Variants in NDE1 observed in about 807,000 individuals in gnomAD.
The protein encoded by NDE1 is nudE neurodevelopment protein 1, also known as nuclear distribution protein nudE homolog 1.
Under a neutral mutation model 43.4 loss-of-function variants are expected in NDE1, and 28 were observed. That is an observed-to-expected ratio of 0.65 (90% CI 0.48 to 0.89). NDE1 has a LOEUF of 0.89. Among genes scored for constraint, NDE1 ranks in the 40% least tolerant of loss-of-function variants. The pLI is 0.00. For missense variants in NDE1, 441 were observed against 434.1 expected, an observed-to-expected ratio of 1.02 and a Z score of -0.14; for synonymous variants, 184 against 172.0, an observed-to-expected ratio of 1.07 and a Z score of -0.55.
At chr16:15,659,133 GT>G (rs2036915555) in intron 1 of NDE1, among the ~76,000 whole-genome samples, 1 of 152,138 alleles carries the variant, frequency 6.6e-6, no homozygotes, top group Admixed American at 6.6e-5. Context: ...TTATCGGTAA[GT>G]TTTGTGCTTG....
rs766528693 is a variant in NDE1, at chr16:15,696,891, C to T, written c.947+31C>T. 2.1e-5 allele frequency: 34 copies of T among 1,607,504 alleles called. No homozygotes were observed. The East Asian group carries it at 4.7e-4, about 22-fold the overall frequency. On this transcript the variant is annotated intron_variant, in intron 8 of 8. Transcript: ENST00000396354. ...TACCTTCTAATAAACCTCTCGCTGGCGGGGAGAACCCGCCTGCCCCAGGCA... is the reference window on the plus strand; with the variant it reads ...TACCTTCTAATAAACCTCTCGCTGGTGGGGAGAACCCGCCTGCCCCAGGCA...
At chr16:15,677,986 T>C in intron 4 of NDE1, 37 bp downstream of exon 4, 2 of 1,612,550 alleles carry the variant, frequency 1.2e-6, no homozygotes, top group Non-Finnish European at 1.7e-6. Flanking sequence ...TGGGAGACTC[T>C]CCTCTCTGCT....
intron 8 of NDE1, among the ~76,000 whole-genome samples, chr16:15,698,488 G>GT (rs1199731337): frequency 6.6e-6 from 1 of 152,194 alleles, no homozygotes; most frequent in Non-Finnish European, 1.5e-5. Flanking sequence ...AATTTGATGG[G>GT]TTTGTAGCAG....
Position 15,696,703 on chromosome 16 carries a change from G to C in NDE1, c.796-6G>C, listed in dbSNP as rs200273099. On this transcript the variant is annotated splice_polypyrimidine_tract_variant and splice_region_variant and intron_variant, in intron 7 of 8. Coordinates refer to ENST00000396354, the MANE Select transcript of NDE1 (RefSeq NM_017668.3). ...ACTTGAGAGATAAAAGTGTATTTCT[G>C]TCCAGGCACTGGAGTCCAAACTCGC... 3.1e-5 allele frequency: 50 copies of C among 1,614,086 alleles called. No homozygotes were observed. The highest frequency in any genetic ancestry group is 4.0e-5 in the Non-Finnish European group (47 of 1,180,044).
intron 8 of NDE1, chr16:15,718,603 G>A (rs1567690439): frequency 1.9e-6 from 2 of 1,064,568 alleles, no homozygotes; most frequent in Non-Finnish European, 2.6e-6. Flanking sequence ...GCCAGGAAGT[G>A]GACAGCCGGG....
intron 8 of NDE1, chr16:15,714,468 C>A: frequency 4.3e-6 from 1 of 230,670 alleles, no homozygotes; most frequent in Non-Finnish European, 8.7e-6. Context: ...GCCCCCATAC[C>A]CGAGAATAAT....
At chr16:15,646,888 T>A (rs1596531994), upstream of NDE1, among the ~76,000 whole-genome samples, 1 of 151,640 alleles carries the variant, frequency 6.6e-6, no homozygotes, top group East Asian at 2.0e-4. Context: ...CTGCCTCTAC[T>A]AAAATAGAAA....
intron 1 of NDE1, among the ~76,000 whole-genome samples, chr16:15,650,560 C>T (rs933632545): frequency 1.3e-5 from 2 of 152,226 alleles, no homozygotes; most frequent in Admixed American, 6.5e-5. Context: ...CTCGCGCTGG[C>T]CCCTCGCCCT....
intron 4 of NDE1, among the ~76,000 whole-genome samples, chr16:15,680,174 T>C (rs1446906552): frequency 1.3e-5 from 2 of 152,204 alleles, no homozygotes; most frequent in Middle Eastern, 3.2e-3. Flanking sequence ...TCCCCTTTGA[T>C]GGGCAGTAGC....
intron 3 of NDE1, among the ~76,000 whole-genome samples, chr16:15,676,311 G>A (rs2037878598): frequency 7.0e-6 from 1 of 142,322 alleles, no homozygotes; most frequent in Non-Finnish European, 1.5e-5. Flanking sequence ...CCGTGTTCAA[G>A]CGATTCTCCC....
chr16:15,668,354 T>G (rs1201344672), intron 3 of NDE1, among the ~76,000 whole-genome samples: 1 of 152,184 alleles, frequency 6.6e-6, no homozygotes, highest in Non-Finnish European at 1.5e-5. Context: ...AGACTCCGTC[T>G]CAAAAAAAAC....
chr16:15,715,060 C>T lies in NDE1; in HGVS notation c.948-9131C>T, dbSNP rs138206921. On this transcript the variant is annotated intron_variant, in intron 8 of 8. Transcript: ENST00000396354. ...TCCAGCTGCCTCTTGAGCTGCTTGA[C>T]CCTGGCATTGCCTTTCTCTGCCTGT... is the stretch of plus-strand genomic sequence containing the variant. 235 of 1,613,332 alleles carry T rather than the reference C, an allele frequency of 1.5e-4. No homozygotes were observed. The highest frequency in any genetic ancestry group is 7.4e-5 in the Non-Finnish European group (87 of 1,180,020).
intron 1 of NDE1, among the ~76,000 whole-genome samples, chr16:15,645,046 A>G (rs1043171656): frequency 4.0e-5 from 6 of 150,840 alleles, no homozygotes; most frequent in African/African-American, 1.5e-4. Context: ...CAGCCTCCTG[A>G]GTAGCTAGGA....
At position 15,691,424 on chromosome 16, in the gene NDE1, AGAGCCTGATTTGCTCTCAGGCTTT is replaced by A; in HGVS notation, c.703+106_703+129del. The A allele has an allele frequency of 3.0e-6, 4 of 1,343,856 alleles. No homozygotes were observed. In the South Asian group the frequency reaches 5.0e-5, roughly 17 times the overall value. 83.2% of individuals were successfully genotyped at this position (1,343,856 alleles called of 1,614,324 possible). Reference sequence around the variant, plus strand: ...GGGTGTGATGATTTGCATCAGGCTCAGAGCCTGATTTGCTCTCAGGCTTTGAGCAGAGAGTAGACTGGGATGTTC... The same window carrying A: ...GGGTGTGATGATTTGCATCAGGCTCAGAGCAGAGAGTAGACTGGGATGTTC... On this transcript the variant is annotated intron_variant, in intron 6 of 8. Transcript: ENST00000396354.
intron 8 of NDE1, chr16:15,717,651 C>T (rs1332831008): frequency 6.4e-5 from 31 of 481,892 alleles, no homozygotes; most frequent in Admixed American, 2.8e-4. Flanking sequence ...AAAAATTAGC[C>T]GGGCAGTGGT....
chr16:15,705,984 C>CA lies in NDE1; in HGVS notation c.947+9145dup, dbSNP rs57451847. ...TAGGCGACAGGGTGAGACTCCGTCT[C>CA]AAAAAAAAAAAAAAAAAAAAATCAA... On this transcript the variant is annotated intron_variant, in intron 8 of 8. Transcript: ENST00000396354. Among the ~76,000 whole-genome samples the CA allele has an allele frequency of 4.9e-3, 280 of 56,710 alleles. 16 individuals carry two copies. In the East Asian group the frequency reaches 0.051, roughly 10 times the overall value. 37.2% of individuals were successfully genotyped at this position (56,710 alleles called of 152,430 possible). A position where few individuals can be genotyped will look rare whatever the true frequency, so the allele number is the denominator to read the frequency against.
rs191562149 is a variant in NDE1, at chr16:15,703,978, T to C, written c.947+7118T>C. On this transcript the variant is annotated intron_variant, in intron 8 of 8. Coordinates refer to ENST00000396354, the MANE Select transcript of NDE1 (RefSeq NM_017668.3). ...TGGTTTTCTTGCCGTGGTGCAAAAC[T>C]GTAGAAAGTTGCTTATTCACTGGCC... 1.8e-4 allele frequency: 288 copies of C among 1,614,068 alleles called. 1 individual carries two copies. In the Admixed American group the frequency reaches 4.6e-3, roughly 26 times the overall value.
chr16:15,691,018 G>A, intron 5 of NDE1, 126 bp from the exon 6 acceptor site: 2 of 1,076,226 alleles, frequency 1.9e-6, no homozygotes, highest in Non-Finnish European at 1.4e-6. Flanking sequence ...ATGTTGGTCA[G>A]GCTGGTCTCG....
chr16:15,677,617 T>A (rs899346719), intron 3 of NDE1, among the ~76,000 whole-genome samples, 184 bp from the exon 4 acceptor site: 2 of 150,256 alleles, frequency 1.3e-5, no homozygotes, highest in African/African-American at 4.9e-5. Context: ...GGAGTCTTGC[T>A]GTGTTGCCCA....
Sources: allele counts gnomAD v4.1 joint callset (sites outside exome capture counted in the v4.1 genomes callset), GRCh38; gene constraint gnomAD v4.1.1; transcripts MANE v1.5; gene names NCBI Gene and HGNC (gene_info 2026-07-23, HGNC 2026-07-21).